Variants in TNFRSF8 observed in about 807,000 individuals in gnomAD.
TNFRSF8 encodes the protein tumor necrosis factor receptor superfamily member 8.
Under a neutral mutation model 70.8 loss-of-function variants are expected in TNFRSF8, and 26 were observed. The observed-to-expected ratio is 0.37, with a 90% confidence interval of 0.27 to 0.51. The LOEUF (loss-of-function observed/expected upper bound fraction) is 0.51. Among genes scored for constraint, TNFRSF8 ranks in the 20% least tolerant of loss-of-function variants. TNFRSF8 has a pLI of 0.94. For missense variants in TNFRSF8, 720 were observed against 807.9 expected (o/e 0.89, Z 1.32); for synonymous variants, 356 against 339.2 (o/e 1.05, Z -0.54).
chr1:12,097,468 C>T (rs1272170756), intron 3 of TNFRSF8, among the ~76,000 whole-genome samples: 1 of 152,088 alleles, frequency 6.6e-6, no homozygotes, highest in Non-Finnish European at 1.5e-5. Context: ...GAGTTTAATC[C>T]TCACCACAGC....
chr1:12,104,567 T>C (rs1393604254), intron 4 of TNFRSF8, 36 bp downstream of exon 4: 1 of 1,612,910 alleles, frequency 6.2e-7, no homozygotes, highest in Non-Finnish European at 8.5e-7. Flanking sequence ...GACAGAGATC[T>C]ATGCTGTTGC....
In TNFRSF8 at chr1:12,097,188, G is replaced by A. The variant is rs767967324; in HGVS notation, c.239G>A (p.Arg80His). The A allele has an allele frequency of 1.9e-6, 3 of 1,613,910 alleles. No individual in the cohort carries two copies. Among genetic ancestry groups the A allele is most frequent in the South Asian group, 1.1e-5 (1 of 91,078 alleles). Residue 80 changes from arginine (R) to histidine (H), a missense_variant, in exon 3 of 15, where the codon CGC becomes CAC. Physicochemically the swap from Arg to His is conservative, Grantham distance 29 (BLOSUM62 0). Coordinates refer to ENST00000263932, the MANE Select transcript of TNFRSF8 (RefSeq NM_001243.5). ...EPDYYLDEAD[R>H]CTACVTCSRD... is the part of the protein sequence containing the mutation. ...GACTACTACCTGGATGAGGCCGACC[G>A]CTGTACAGCCTGCGTGACTTGTTCT... is the stretch of plus-strand genomic sequence containing the variant.
Position 12,141,014 on chromosome 1 carries a change from C to T in TNFRSF8, c.1544-1273C>T, listed in dbSNP as rs1642243608. 6.6e-6 allele frequency among the ~76,000 whole-genome samples: 1 copy of T among 152,082 alleles called. No homozygotes were observed. Among genetic ancestry groups the T allele is most frequent in the Non-Finnish European group, 1.5e-5 (1 of 68,000 alleles). On this transcript the variant is annotated intron_variant, in intron 14 of 14. Transcript: ENST00000263932. The surrounding 1 kb of genome is among the most constrained non-coding windows in gnomAD (Gnocchi z 5.4). ...CTGTTTTGGGGTCTGTGGGGGCGCC[C>T]AGCCCATAGCCTGTCCCGCACTCTG...
At position 12,101,040 on chromosome 1, in the gene TNFRSF8, A is replaced by G. The variant is rs376586270; in HGVS notation, c.269-3339A>G. 9.9e-5 allele frequency among the ~76,000 whole-genome samples: 15 copies of G among 152,102 alleles called. No individual in the cohort carries two copies. The South Asian group carries it at 1.0e-3, about 11-fold the overall frequency. ...CATGCATGGAGTATCGTCTCCTATGATAACAATGCCTTCTTCTGGATACCT... is the reference window on the plus strand; with the variant it reads ...CATGCATGGAGTATCGTCTCCTATGGTAACAATGCCTTCTTCTGGATACCT... On this transcript the variant is annotated intron_variant, in intron 3 of 14. Transcript: ENST00000263932.
chr1:12,079,315 C>T (rs890332059), intron 1 of TNFRSF8, among the ~76,000 whole-genome samples: 9 of 152,210 alleles, frequency 5.9e-5, no homozygotes, highest in Non-Finnish European at 1.3e-4. Flanking sequence ...TTGCACAGCT[C>T]ATTACCTTGT....
rs747769143 is a variant in TNFRSF8, at chr1:12,142,327, G to A, written c.1584G>A (p.Gly528=). 5.0e-6 allele frequency: 8 copies of A among 1,605,448 alleles called. No individual in the cohort carries two copies. Among genetic ancestry groups the A allele is most frequent in the Non-Finnish European group, 2.6e-6 (3 of 1,176,122 alleles). Residue 528 remains glycine, a synonymous_variant, in exon 15 of 15, where the codon GGG becomes GGA. Coordinates refer to ENST00000263932, the MANE Select transcript of TNFRSF8 (RefSeq NM_001243.5). The surrounding 1 kb of genome is among the most constrained non-coding windows in gnomAD (Gnocchi z 5.0). ...YIMKADTVIV[G]TVKAELPEGR... is the part of the protein sequence containing the mutation. Reference sequence around the variant, plus strand: ...TGAAGGCTGACACCGTGATCGTGGGGACCGTGAAGGCTGAGCTGCCGGAGG... The same window carrying A: ...TGAAGGCTGACACCGTGATCGTGGGAACCGTGAAGGCTGAGCTGCCGGAGG...
At position 12,138,802 on chromosome 1, in the gene TNFRSF8, C is replaced by T. The variant is rs1274932447; in HGVS notation, c.1543+366C>T. ...GGGCACTGTGTAGGTGCCATCTCTT[C>T]ATCTCTGATGGTCTCACCACCTTCT... On this transcript the variant is annotated intron_variant, in intron 14 of 14. Coordinates refer to ENST00000263932, the MANE Select transcript of TNFRSF8 (RefSeq NM_001243.5). This position sits in a 1 kb window ranked among gnomAD's most constrained non-coding sequence, Gnocchi z 5.7. 6.6e-6 allele frequency among the ~76,000 whole-genome samples: 1 copy of T among 152,234 alleles called. No individual in the cohort carries two copies.
chr1:12,097,822 G>A (rs760866243), intron 3 of TNFRSF8, among the ~76,000 whole-genome samples: 23 of 152,130 alleles, frequency 1.5e-4, no homozygotes, highest in Non-Finnish European at 3.2e-4. Context: ...TGTATTTTCA[G>A]AGTGTTCAGT....
chr1:12,104,291 C>A, intron 3 of TNFRSF8, 88 bp from the exon 4 acceptor site: 1 of 1,474,078 alleles, frequency 6.8e-7, no homozygotes, highest in Non-Finnish European at 9.5e-7. Context: ...TTGCGGACTG[C>A]ACCTGCCCTC....
At chr1:12,090,460 C>CCACCCACT (rs1306967285) in intron 2 of TNFRSF8, among the ~76,000 whole-genome samples, 1 of 151,548 alleles carries the variant, frequency 6.6e-6, no homozygotes, top group Non-Finnish European at 1.5e-5. Flanking sequence ...ATCCATCCAC[C>CCACCCACT]CACCCACTCA....
At chr1:12,115,197 A>G (rs1557595754) in intron 7 of TNFRSF8, among the ~76,000 whole-genome samples, 1 of 152,168 alleles carries the variant, frequency 6.6e-6, no homozygotes. Flanking sequence ...GATAGTGGGC[A>G]TATGGTAAAG....
chr1:12,092,909 G>C (rs892666268), intron 2 of TNFRSF8, among the ~76,000 whole-genome samples: 12 of 151,606 alleles, frequency 7.9e-5, no homozygotes, highest in Non-Finnish European at 4.4e-5. Context: ...AGGTTCAAGT[G>C]ATTTTCCTGC....
chr1:12,092,898 C>A (rs1244231362), intron 2 of TNFRSF8, among the ~76,000 whole-genome samples: 3 of 151,986 alleles, frequency 2.0e-5, no homozygotes, highest in Non-Finnish European at 4.4e-5. Flanking sequence ...CTCCACCTCC[C>A]AGGTTCAAGT....
At chr1:12,102,878 CCAG>C (rs1278258522) in intron 3 of TNFRSF8, among the ~76,000 whole-genome samples, 1 of 151,038 alleles carries the variant, frequency 6.6e-6, no homozygotes, top group Non-Finnish European at 1.5e-5. Flanking sequence ...GCTTTTCCTG[CCAG>C]CAGTTGTTAT....
In TNFRSF8 at chr1:12,109,612, C is replaced by G. The variant is rs1212777773; in HGVS notation, c.468C>G (p.Val156=). 1.9e-6 allele frequency: 3 copies of G among 1,613,646 alleles called. No homozygotes were observed. The highest frequency in any genetic ancestry group is 1.3e-5 in the African/African-American group (1 of 74,926). The change falls in exon 5 of 15, where the codon GTC becomes GTG. Residue 156 remains valine, a synonymous_variant. Transcript: ENST00000263932. The surrounding 1 kb of genome is among the most constrained non-coding windows in gnomAD (Gnocchi z 4.4). The part of the protein sequence containing the change: ...NTVCEPASPG[V]SPACASPENC... ...TCTGTGAGCCGGCTTCCCCAGGGGT[C>G]AGCCCTGCCTGTGCCAGCCCAGAGA...
At chr1:12,118,928 G>A (rs1277692862) in intron 8 of TNFRSF8, among the ~76,000 whole-genome samples, 2 of 152,036 alleles carry the variant, frequency 1.3e-5, no homozygotes, top group Non-Finnish European at 2.9e-5. Context: ...GCAGTGACGC[G>A]ATCTTGGCCC....
intron 2 of TNFRSF8, among the ~76,000 whole-genome samples, chr1:12,087,864 C>A (rs756868845): frequency 2.0e-5 from 3 of 152,186 alleles, no homozygotes; most frequent in African/African-American, 7.2e-5. Flanking sequence ...CTCCCCACTT[C>A]CCCTCTCTAA....
At chr1:12,111,382 A>G (rs1203667044) in intron 6 of TNFRSF8, among the ~76,000 whole-genome samples, 2 of 151,734 alleles carry the variant, frequency 1.3e-5, no homozygotes, top group African/African-American at 4.8e-5. Flanking sequence ...GGGTTTCACC[A>G]TGTTGGCCAG....
rs932194586 is a variant in TNFRSF8 at position 12,119,877 on chromosome 1, G to A, written c.947-3407G>A. 1.3e-5 allele frequency among the ~76,000 whole-genome samples: 2 copies of A among 152,214 alleles called. No homozygotes were observed. Among genetic ancestry groups the A allele is most frequent in the Middle Eastern group, 3.4e-3 (1 of 294 alleles). Reference sequence around the variant, plus strand: ...GTCACATAGTCAGAATGTTTTTGAGGACTAGTCAAAGCTGGATACCTCTGG... The same window carrying A: ...GTCACATAGTCAGAATGTTTTTGAGAACTAGTCAAAGCTGGATACCTCTGG... On this transcript the variant is annotated intron_variant, in intron 8 of 14. Transcript: ENST00000263932. This position sits in a 1 kb window ranked among gnomAD's most constrained non-coding sequence, Gnocchi z 4.4.
Sources: allele counts gnomAD v4.1 joint callset (sites outside exome capture counted in the v4.1 genomes callset), GRCh38; gene constraint gnomAD v4.1.1; non-coding constraint Gnocchi (gnomAD v3.1); transcripts MANE v1.5; gene names NCBI Gene and HGNC (gene_info 2026-07-23, HGNC 2026-07-21).